MAP4K5: variants seen among roughly 807,000 people sequenced by gnomAD.
MAP4K5 encodes mitogen-activated protein kinase kinase kinase kinase 5.
MAP4K5 carries 82 observed loss-of-function variants against 135.6 expected under a neutral mutation model. The observed-to-expected ratio is 0.60, with a 90% CI of 0.51 to 0.73. The LOEUF is 0.73. Among genes scored for constraint, MAP4K5 ranks in the 30% least tolerant of loss-of-function variants. The pLI is 0.00. For synonymous variants in MAP4K5, 347 were observed against 335.0 expected (o/e 1.04, Z -0.39); for missense variants, 907 against 1,010.9 (o/e 0.90, Z 1.39).
At chr14:50,513,875 T>C (rs966784140) in intron 2 of MAP4K5, among the ~76,000 whole-genome samples, 3 of 152,208 alleles carry the variant, frequency 2.0e-5, no homozygotes, top group Admixed American at 6.5e-5. Flanking sequence ...GGCCAGTGAC[T>C]GCTTCTCAGA....
At chr14:50,508,942 T>A (rs915813760) in intron 2 of MAP4K5, among the ~76,000 whole-genome samples, 1 of 152,154 alleles carries the variant, frequency 6.6e-6, no homozygotes, top group African/African-American at 2.4e-5. Flanking sequence ...GTATGTTTAT[T>A]GTGGCACTAT....
intron 31 of MAP4K5, among the ~76,000 whole-genome samples, chr14:50,423,746 G>A (rs1477525895): frequency 6.6e-6 from 1 of 152,118 alleles, no homozygotes; most frequent in Admixed American, 6.5e-5. Context: ...TCCAGCTTGG[G>A]CAACAGAGCA....
intron 1 of MAP4K5, among the ~76,000 whole-genome samples, chr14:50,552,464 G>A (rs188414327): frequency 3.9e-5 from 6 of 152,270 alleles, no homozygotes; most frequent in Admixed American, 2.0e-4. Context: ...CAGATGCAAT[G>A]CAATTCCCAT....
At chr14:50,546,844 T>A (rs1475379578) in intron 1 of MAP4K5, among the ~76,000 whole-genome samples, 1 of 152,206 alleles carries the variant, frequency 6.6e-6, no homozygotes, top group Non-Finnish European at 1.5e-5. Context: ...AAGGTTTTTT[T>A]TTAATTATTA....
At chr14:50,516,839 A>G (rs1428522350) in intron 2 of MAP4K5, among the ~76,000 whole-genome samples, 1 of 152,206 alleles carries the variant, frequency 6.6e-6, no homozygotes, top group African/African-American at 2.4e-5. Context: ...CTACTATATG[A>G]CAAATTCAGA....
chr14:50,490,266 C>G (rs10132531), intron 3 of MAP4K5, among the ~76,000 whole-genome samples: 2,585 of 151,748 alleles, frequency 0.017, 64 homozygotes, highest in African/African-American at 0.059. Context: ...GTATCTGAGA[C>G]AGTAGACACT....
intron 2 of MAP4K5, among the ~76,000 whole-genome samples, chr14:50,526,282 G>A (rs2038262847): frequency 6.6e-6 from 1 of 151,992 alleles, no homozygotes; most frequent in South Asian, 2.1e-4. Flanking sequence ...ACCAAATTAT[G>A]ACTGCTTACA....
intron 28 of MAP4K5, among the ~76,000 whole-genome samples, chr14:50,431,265 T>C (rs2035961951): frequency 6.6e-6 from 1 of 152,096 alleles, no homozygotes; most frequent in Non-Finnish European, 1.5e-5. Flanking sequence ...TATTTATTAT[T>C]ATTATACTTT....
intron 14 of MAP4K5, among the ~76,000 whole-genome samples, chr14:50,452,203 AG>A (rs1212599319): frequency 1.3e-5 from 2 of 152,180 alleles, no homozygotes; most frequent in African/African-American, 2.4e-5. Context: ...TGGGTTTATT[AG>A]GATGTAACCC....
chr14:50,473,260 A>C (rs1179920323), intron 9 of MAP4K5, among the ~76,000 whole-genome samples: 1 of 152,142 alleles, frequency 6.6e-6, no homozygotes, highest in Non-Finnish European at 1.5e-5. Context: ...TCTCAGGTAA[A>C]AAGTTTTGGT....
intron 2 of MAP4K5, among the ~76,000 whole-genome samples, chr14:50,523,863 T>C (rs758087509): frequency 3.3e-4 from 50 of 152,160 alleles, no homozygotes; most frequent in Non-Finnish European, 5.0e-4. Flanking sequence ...CTCCTTTGCA[T>C]CCTGTCCTCC....
chr14:50,517,757 G>A (rs1007818052), intron 2 of MAP4K5, among the ~76,000 whole-genome samples: 8 of 152,030 alleles, frequency 5.3e-5, no homozygotes, highest in South Asian at 4.1e-4. Context: ...CAGCCTGGGC[G>A]ACAGTGAAAC....
chr14:50,559,398 A>G (rs2140171664), intron 1 of MAP4K5: 1 of 152,394 alleles, frequency 6.6e-6, no homozygotes, highest in South Asian at 2.1e-4. Flanking sequence ...GAGAGAAAGC[A>G]GTGAAAAGGG....
chr14:50,467,201 T>C (rs2036851703), intron 10 of MAP4K5, among the ~76,000 whole-genome samples: 1 of 152,122 alleles, frequency 6.6e-6, no homozygotes, highest in Non-Finnish European at 1.5e-5. Context: ...TCTTGTGGGC[T>C]ATGGGGGTAG....
chr14:50,437,968 C>CA lies in MAP4K5; in HGVS notation c.1748dup (p.Leu583PhefsTer3). 6.2e-7 allele frequency: 1 copy of CA among 1,612,200 alleles called. No homozygotes were observed. ...ATCCTGGTTTTTTGGCATGTTCAAA[C>CA]AAAGCTATAAGATTGTGAGAGTAGA... On this transcript the variant is annotated frameshift_variant, in exon 25 of 33. Transcript: ENST00000682126. LOFTEE classifies it high-confidence loss of function.
chr14:50,483,700 A>G (rs963696276), intron 5 of MAP4K5, among the ~76,000 whole-genome samples: 4 of 150,216 alleles, frequency 2.7e-5, no homozygotes, highest in African/African-American at 9.8e-5. Context: ...AATGTTTCAA[A>G]GCTATTCTTT....
Position 50,429,234 on chromosome 14 carries a change from C to A in MAP4K5, c.2191G>T (p.Val731Leu). ...ACGGTATCTCTCTCCAACTGTGTTA[C>A]ATGAATGGAATCTAACTGCTGGCTG... ...AGSQQLDSIH[V>L]TQLERDTVLV... Residue 731 changes from valine (V) to leucine (L), a missense_variant, in exon 29 of 33, where the codon GTA (valine) becomes TTA (leucine). Transcript: ENST00000682126. The A allele has an allele frequency of 6.4e-7, 1 of 1,564,238 alleles. No individual in the cohort carries two copies. Among genetic ancestry groups the A allele is most frequent in the South Asian group, 1.2e-5 (1 of 84,688 alleles).
At chr14:50,465,224 C>T (rs371453226) in intron 11 of MAP4K5, among the ~76,000 whole-genome samples, 9 of 152,118 alleles carry the variant, frequency 5.9e-5, no homozygotes, top group Non-Finnish European at 1.0e-4. Flanking sequence ...TGGGGAGGGG[C>T]CTCTTAGAAC....
At chr14:50,496,763 G>C (rs2037603464) in intron 3 of MAP4K5, among the ~76,000 whole-genome samples, 1 of 151,528 alleles carries the variant, frequency 6.6e-6, no homozygotes, top group South Asian at 2.1e-4. Flanking sequence ...TCCCACCTCA[G>C]CCTCCCAAAG....
Sources: allele counts gnomAD v4.1 joint callset (sites outside exome capture counted in the v4.1 genomes callset), GRCh38; gene constraint gnomAD v4.1.1; transcripts MANE v1.5; gene names NCBI Gene and HGNC (gene_info 2026-07-23, HGNC 2026-07-21).